The following PIK3C2B variants were observed in gnomAD, a reference collection of about 807,000 sequenced individuals.
PIK3C2B encodes the protein phosphatidylinositol 4-phosphate 3-kinase C2 domain-containing subunit beta.
PIK3C2B carries 83 observed loss-of-function variants against 184.3 expected under a neutral mutation model. The observed-to-expected ratio is 0.45, with a 90% CI of 0.38 to 0.54. The LOEUF is 0.54. PIK3C2B is among the 20% of genes least tolerant of loss of function. The probability of loss-of-function intolerance (pLI) is 0.00; values close to 1 mark genes in which losing one functional copy is unlikely to be tolerated. For missense variants in PIK3C2B, 1,736 were observed against 2,113.5 expected (o/e 0.82, Z 3.50); for synonymous variants, 779 against 837.6 (o/e 0.93, Z 1.21).
chr1:204,440,066 C>T, intron 22 of PIK3C2B, 126 bp downstream of exon 22: 1 of 991,460 alleles, frequency 1.0e-6, no homozygotes. Flanking sequence ...TATCCCACAG[C>T]TTCTCATGAA....
At chr1:204,486,113 A>C (rs1406171556) in intron 1 of PIK3C2B, among the ~76,000 whole-genome samples, 2 of 152,186 alleles carry the variant, frequency 1.3e-5, no homozygotes, top group Non-Finnish European at 2.9e-5. Flanking sequence ...CTTAAGAATA[A>C]TGCTGGCCAT....
chr1:204,426,021 A>C (rs1674722010), intron 31 of PIK3C2B, among the ~76,000 whole-genome samples: 1 of 152,192 alleles, frequency 6.6e-6, no homozygotes, highest in Admixed American at 6.5e-5. Flanking sequence ...CTCTGTTTTG[A>C]GTGAACCATC....
In PIK3C2B at chr1:204,428,151, G is replaced by T. The variant is rs1299488938; in HGVS notation, c.4468C>A (p.Pro1490Thr). 2 of 1,606,850 alleles carry T rather than the reference G, an allele frequency of 1.2e-6. No homozygotes were observed. Among genetic ancestry groups the T allele is most frequent in the Non-Finnish European group, 8.5e-7 (1 of 1,173,550 alleles). ...GAAGATACTGTACCTGAGGACTTAG[G>T]AGCTGGGCTGGTGCCCATAGCCTTC... Reference protein sequence around the residue: ...DEKAMGTSPAPKSSDGTWARP... With the variant: ...DEKAMGTSPATKSSDGTWARP... The change falls in exon 30 of 33, where the codon CCT becomes ACT. Residue 1490 changes from proline to threonine, a missense_variant. Physicochemically the swap from Pro to Thr is conservative, Grantham distance 38. Around this residue, in one of 8 missense-constraint regions of PIK3C2B, gnomAD observed 200 missense variants for 199.1 expected, o/e 1.00. Coordinates refer to ENST00000684373, the MANE Select transcript of PIK3C2B (RefSeq NM_001377334.1).
intron 29 of PIK3C2B, among the ~76,000 whole-genome samples, chr1:204,428,683 A>G (rs1221511539): frequency 1.3e-5 from 2 of 152,072 alleles, no homozygotes; most frequent in African/African-American, 4.8e-5. Context: ...TGGTAGAGAC[A>G]TGTTGGCCAG....
intron 2 of PIK3C2B, among the ~76,000 whole-genome samples, chr1:204,467,758 C>T (rs1056833142): frequency 2.1e-5 from 3 of 142,252 alleles, no homozygotes; most frequent in Non-Finnish European, 4.5e-5. Flanking sequence ...TCTCTTGAAC[C>T]CGGGAGGCAG....
rs944454365 is a variant in PIK3C2B at position 204,424,425 on chromosome 1, T to C, written c.*427A>G. Reference sequence around the variant, plus strand: ...TCTTCCTCTCTTGCCTTCTGGGGCATAGGTACGTCCCTTCTCGCAAGGCTT... The same window carrying C: ...TCTTCCTCTCTTGCCTTCTGGGGCACAGGTACGTCCCTTCTCGCAAGGCTT... On this transcript the variant is annotated 3_prime_UTR_variant, in exon 33 of 33. Transcript: ENST00000684373. 1.6e-4 allele frequency: 47 copies of C among 299,132 alleles called. No homozygotes were observed. Among genetic ancestry groups the C allele is most frequent in the Non-Finnish European group, 2.3e-4 (34 of 148,472 alleles). The allele number at this position is 299,132 out of a possible 1,614,324, so 18.5% of individuals were successfully genotyped here. A position where few individuals can be genotyped will look rare whatever the true frequency, so the allele number is the denominator to read the frequency against.
intron 19 of PIK3C2B, 39 bp from the exon 20 acceptor site, chr1:204,442,672 A>G: frequency 7.2e-7 from 1 of 1,383,974 alleles, no homozygotes; most frequent in Non-Finnish European, 1.0e-6. Context: ...GGTGAAATGG[A>G]GGGTCCATAC....
At position 204,433,386 on chromosome 1, in the gene PIK3C2B, C is replaced by G. The variant is rs1156899803; in HGVS notation, c.3883G>C (p.Asp1295His). The G allele has an allele frequency of 6.2e-7, 1 of 1,612,266 alleles. No individual in the cohort carries two copies. The highest frequency in any genetic ancestry group is 2.2e-5 in the East Asian group (1 of 44,876). The change falls in exon 26 of 33, where the codon GAC (aspartate) becomes CAC (histidine). Residue 1295 changes from aspartate to histidine, a missense_variant. Transcript: ENST00000684373. The surrounding 1 kb of genome is among the most constrained non-coding windows in gnomAD (Gnocchi z 5.0). ...AGGGCATCGTACACATACTTGAGGTCCTCCAGGTCTGAGAGTTCAGGGATC... is the reference window on the plus strand; with the variant it reads ...AGGGCATCGTACACATACTTGAGGTGCTCCAGGTCTGAGAGTTCAGGGATC... ...CGIPELSDLE[D>H]LKYVYDALRP... is the part of the protein sequence containing the mutation.
chr1:204,448,988 G>A (rs1046908933), intron 14 of PIK3C2B, among the ~76,000 whole-genome samples, 197 bp downstream of exon 14: 9 of 152,264 alleles, frequency 5.9e-5, no homozygotes, highest in Non-Finnish European at 1.3e-4. Flanking sequence ...TCCAGGAGAT[G>A]GGAGATGGAT....
chr1:204,449,416 A>G, intron 13 of PIK3C2B, 120 bp from the exon 14 acceptor site: 5 of 734,948 alleles, frequency 6.8e-6, no homozygotes, highest in Non-Finnish European at 2.3e-6. Context: ...CTCCCCTCTC[A>G]TTCTCACCGT....
Position 204,456,873 on chromosome 1 carries a change from AAC to A in PIK3C2B, c.1747+162_1747+163del, listed in dbSNP as rs747482741. On this transcript the variant is annotated intron_variant, in intron 10 of 32. Transcript: ENST00000684373. ...CAGCTGTATCCACACCTCATATAGG[AAC>A]ACACACACACACACACACACACACA... is the stretch of plus-strand genomic sequence containing the variant. Among the ~76,000 whole-genome samples the A allele has an allele frequency of 1.5e-3, 208 of 141,584 alleles. 2 individuals carry two copies. Among genetic ancestry groups the A allele is most frequent in the African/African-American group, 3.6e-3 (137 of 38,128 alleles). 92.9% of individuals were successfully genotyped at this position (141,584 alleles called of 152,430 possible). A position where few individuals can be genotyped will look rare whatever the true frequency, so the allele number is the denominator to read the frequency against.
At chr1:204,484,625 T>C (rs138174026) in intron 1 of PIK3C2B, among the ~76,000 whole-genome samples, 2 of 152,082 alleles carry the variant, frequency 1.3e-5, no homozygotes, top group East Asian at 3.9e-4. Flanking sequence ...TCCCAGCTAT[T>C]TGGGAGGCTG....
intron 7 of PIK3C2B, 148 bp from the exon 8 acceptor site, chr1:204,460,089 G>GA: frequency 1.4e-6 from 1 of 703,138 alleles, no homozygotes; most frequent in Non-Finnish European, 2.5e-6. Flanking sequence ...AAGACATATA[G>GA]AGGGAGAGTC....
chr1:204,447,483 T>G lies in PIK3C2B; in HGVS notation c.2442A>C (p.Glu814Asp), dbSNP rs1653977290. 1.2e-6 allele frequency: 2 copies of G among 1,613,662 alleles called. No homozygotes were observed. The highest frequency in any genetic ancestry group is 2.7e-5 in the African/African-American group (2 of 74,840). ...PRYEFGSLRE[E>D]DQRKLKDIMQ... ...TGATGTCTTTAAGCTTGCGCTGGTC[T>G]TCTTCCCGGAGGCTGCCAAACTCAT... Residue 814 changes from glutamate to aspartate, a missense_variant, in exon 15 of 33, where the codon GAA (glutamate) becomes GAC (aspartate). Transcript: ENST00000684373. The surrounding 1 kb of genome is among the most constrained non-coding windows in gnomAD (Gnocchi z 4.1).
At chr1:204,457,611 G>A (rs955735288) in intron 9 of PIK3C2B, 117 bp downstream of exon 9, 11 of 926,174 alleles carry the variant, frequency 1.2e-5, no homozygotes, top group Non-Finnish European at 1.7e-5. Flanking sequence ...AAAGATGGAG[G>A]TGGAGAGAAG....
Position 204,447,667 on chromosome 1 carries a change from T to C in PIK3C2B, c.2347-89A>G. 2 of 904,628 alleles carry C rather than the reference T, an allele frequency of 2.2e-6. No homozygotes were observed. The highest frequency in any genetic ancestry group is 1.9e-5 in the Admixed American group (1 of 51,366). 56.0% of individuals were successfully genotyped at this position (904,628 alleles called of 1,614,324 possible). On this transcript the variant is annotated intron_variant, in intron 14 of 32. Coordinates refer to ENST00000684373, the MANE Select transcript of PIK3C2B (RefSeq NM_001377334.1). The surrounding 1 kb of genome is among the most constrained non-coding windows in gnomAD (Gnocchi z 4.1). ...TTTCTCTCACCCCAGCATTCCGGCC[T>C]TGTCCCTCCCTCACTTTCCCTCAGG...
chr1:204,440,111 CA>C lies in PIK3C2B; in HGVS notation c.3379+80del, dbSNP rs556710435. 1.1e-4 allele frequency: 151 copies of C among 1,425,188 alleles called. No individual in the cohort carries two copies. The East Asian group carries it at 3.7e-3, about 35-fold the overall frequency. 88.3% of individuals were successfully genotyped at this position (1,425,188 alleles called of 1,614,324 possible). A position where few individuals can be genotyped will look rare whatever the true frequency, so the allele number is the denominator to read the frequency against. Reference sequence around the variant, plus strand: ...CCCTTTTCACTTTCCTGGAGGAGGACACAGTTTGTGTTGGCAATGGGCAGAA... The same window carrying C: ...CCCTTTTCACTTTCCTGGAGGAGGACCAGTTTGTGTTGGCAATGGGCAGAA... On this transcript the variant is annotated intron_variant, in intron 22 of 32. Coordinates refer to ENST00000684373, the MANE Select transcript of PIK3C2B (RefSeq NM_001377334.1).
In PIK3C2B at chr1:204,433,987, G is replaced by A; in HGVS notation, c.3687-38C>T. On this transcript the variant is annotated intron_variant, in intron 24 of 32. Coordinates refer to ENST00000684373, the MANE Select transcript of PIK3C2B (RefSeq NM_001377334.1). This position sits in a 1 kb window ranked among gnomAD's most constrained non-coding sequence, Gnocchi z 5.0. ...GAACATACAGGTAGAAGGTCAACAT[G>A]GAGGAGGAAGCCCACCATATGGGCT... The A allele has an allele frequency of 1.3e-6, 2 of 1,582,326 alleles. No individual in the cohort carries two copies. The highest frequency in any genetic ancestry group is 1.7e-6 in the Non-Finnish European group (2 of 1,152,964).
chr1:204,428,725 C>T (rs1359268436), intron 29 of PIK3C2B, among the ~76,000 whole-genome samples: 1 of 152,088 alleles, frequency 6.6e-6, no homozygotes, highest in Non-Finnish European at 1.5e-5. Context: ...TCAGGTGATC[C>T]ACCTGCCTCG....
Sources: allele counts gnomAD v4.1 joint callset (sites outside exome capture counted in the v4.1 genomes callset), GRCh38; gene constraint gnomAD v4.1.1; regional missense constraint gnomAD v4.1.1; non-coding constraint Gnocchi (gnomAD v3.1); transcripts MANE v1.5; gene names NCBI Gene and HGNC (gene_info 2026-07-23, HGNC 2026-07-21).